SNX29: variants seen among roughly 807,000 people sequenced by gnomAD.
SNX29 encodes sorting nexin-29.
A neutral mutation model predicts 102.1 loss-of-function variants in SNX29; 78 were observed. The ratio of observed to expected loss-of-function variants is 0.76; its 90% confidence interval spans 0.64 to 0.92. The LOEUF is 0.92. SNX29 is among the 40% of genes least tolerant of loss of function. The pLI, the probability that SNX29 is intolerant of heterozygous loss-of-function variation, is 0.00. For synonymous variants in SNX29, 580 were observed against 414.5 expected (o/e 1.40, Z -4.85); for missense variants, 1,280 against 1,061.7 (o/e 1.21, Z -2.86).
At chr16:11,980,090 G>A (rs1258224692) in intron 1 of SNX29, among the ~76,000 whole-genome samples, 1 of 152,096 alleles carries the variant, frequency 6.6e-6, no homozygotes, top group African/African-American at 2.4e-5. Flanking sequence ...TCAGAGCCGT[G>A]TAAACATCAC....
chr16:12,127,569 A>G (rs1051806189), intron 12 of SNX29, among the ~76,000 whole-genome samples: 3 of 151,898 alleles, frequency 2.0e-5, no homozygotes, highest in African/African-American at 7.2e-5. Flanking sequence ...CTACAGGCGC[A>G]TGCCACCATG....
intron 19 of SNX29, chr16:12,515,580 T>C (rs1244135893): frequency 6.1e-6 from 3 of 490,902 alleles, no homozygotes; most frequent in South Asian, 3.1e-5. Flanking sequence ...CATTGCCTCC[T>C]CTGAATCTTC....
chr16:12,332,202 C>T lies in SNX29; in HGVS notation c.1783-23961C>T, dbSNP rs997391342. Among the ~76,000 whole-genome samples the T allele has an allele frequency of 1.6e-4, 25 of 152,180 alleles. 1 individual carries two copies. Among genetic ancestry groups the T allele is most frequent in the Non-Finnish European group, 5.9e-5 (4 of 68,040 alleles). ...TCAGGGAAAATGAACTTTCACCTGA[C>T]TCAGAGCCAGGTGTGCGTGCGGTGT... On this transcript the variant is annotated intron_variant, in intron 15 of 20. Transcript: ENST00000566228.
In SNX29 at chr16:12,461,649, T is replaced by C. The variant is rs188555637; in HGVS notation, c.2038-16070T>C. 3.9e-5 allele frequency among the ~76,000 whole-genome samples: 6 copies of C among 152,074 alleles called. No individual in the cohort carries two copies. In the East Asian group the frequency reaches 1.2e-3, roughly 29 times the overall value. Reference sequence around the variant, plus strand: ...TTCCAAGAGGAGTTTTCCTTTAAATTTTTTATGATAGAAAATATTCAGGCT... The same window carrying C: ...TTCCAAGAGGAGTTTTCCTTTAAATCTTTTATGATAGAAAATATTCAGGCT... On this transcript the variant is annotated intron_variant, in intron 18 of 20. Coordinates refer to ENST00000566228, the MANE Select transcript of SNX29 (RefSeq NM_032167.5).
chr16:11,979,441 G>T (rs1314432701), intron 1 of SNX29, among the ~76,000 whole-genome samples: 1 of 152,270 alleles, frequency 6.6e-6, no homozygotes, highest in African/African-American at 2.4e-5. Context: ...GAAGTCCAAC[G>T]ATATATTTTG....
At chr16:12,380,826 TCCACCCAC>T (rs1209507387) in intron 16 of SNX29, among the ~76,000 whole-genome samples, 1 of 43,398 alleles carries the variant, frequency 2.3e-5, no homozygotes, top group African/African-American at 8.8e-5. Context: ...CCGCCATCCA[TCCACCCAC>T]CCACCCACCC....
At chr16:12,232,532 T>C (rs535026157) in intron 14 of SNX29, among the ~76,000 whole-genome samples, 13 of 152,090 alleles carry the variant, frequency 8.5e-5, no homozygotes, top group Non-Finnish European at 1.6e-4. Flanking sequence ...AACAAACAAA[T>C]AAATGCTTGA....
At chr16:12,163,329 G>T (rs1011653903) in intron 13 of SNX29, among the ~76,000 whole-genome samples, 15 of 152,176 alleles carry the variant, frequency 9.9e-5, no homozygotes, top group Non-Finnish European at 2.2e-4. Context: ...TTTGGCAGGT[G>T]GGTGAGGTGG....
chr16:12,309,472 T>C (rs942102301), intron 15 of SNX29, among the ~76,000 whole-genome samples: 2 of 152,150 alleles, frequency 1.3e-5, no homozygotes, highest in Non-Finnish European at 2.9e-5. Context: ...TCTTGGCCCC[T>C]CTGTCTCATT....
intron 13 of SNX29, among the ~76,000 whole-genome samples, chr16:12,183,624 A>G (rs979259038): frequency 2.6e-5 from 4 of 152,160 alleles, no homozygotes; most frequent in African/African-American, 7.2e-5. Context: ...ACATTACCCC[A>G]TAGGAATGTC....
chr16:12,232,020 T>A (rs1454578332), intron 14 of SNX29, among the ~76,000 whole-genome samples: 1 of 152,184 alleles, frequency 6.6e-6, no homozygotes, highest in East Asian at 1.9e-4. Flanking sequence ...TTTAATGGAT[T>A]CGTAAGTTCT....
intron 3 of SNX29, among the ~76,000 whole-genome samples, chr16:12,019,515 G>A (rs2056952636): frequency 6.6e-6 from 1 of 151,510 alleles, no homozygotes; most frequent in Non-Finnish European, 1.5e-5. Context: ...ACTATGACCA[G>A]TAAATCTTTC....
intron 14 of SNX29, among the ~76,000 whole-genome samples, chr16:12,212,099 G>T (rs901277649): frequency 6.6e-6 from 1 of 152,100 alleles, no homozygotes; most frequent in Non-Finnish European, 1.5e-5. Context: ...CCTCTCCTGG[G>T]CCTCGGTGGT....
intron 20 of SNX29, chr16:12,560,610 A>T (rs1208624572): frequency 6.5e-6 from 1 of 152,868 alleles, no homozygotes; most frequent in African/African-American, 2.4e-5. Context: ...GCAGCAAGCA[A>T]CAGCTGCCTT....
chr16:12,423,421 A>C (rs920219368), intron 18 of SNX29, among the ~76,000 whole-genome samples: 1 of 152,196 alleles, frequency 6.6e-6, no homozygotes, highest in African/African-American at 2.4e-5. Flanking sequence ...GGCATCACTC[A>C]GCTCAGAGCC....
intron 1 of SNX29, among the ~76,000 whole-genome samples, chr16:11,993,049 C>T (rs1021379062): frequency 3.3e-5 from 5 of 151,984 alleles, no homozygotes; most frequent in Admixed American, 1.3e-4. Context: ...CCCGTAATCC[C>T]AGCTACTCAG....
rs1480733962 is a variant in SNX29, at chr16:12,573,989, C to G, written c.*5360C>G. On this transcript the variant is annotated 3_prime_UTR_variant, in exon 21 of 21. Coordinates refer to ENST00000566228, the MANE Select transcript of SNX29 (RefSeq NM_032167.5). ...CCCACTAGGGGGCGCCCATGATCGG[C>G]TCCCAGTGCACCCCCTTAAGGGTAA... 2.0e-5 allele frequency: 4 copies of G among 198,766 alleles called. No homozygotes were observed. The highest frequency in any genetic ancestry group is 1.6e-4 in the East Asian group (2 of 12,888). The allele number at this position is 198,766 out of a possible 1,614,324, so 12.3% of individuals were successfully genotyped here. A position where few individuals can be genotyped will look rare whatever the true frequency, so the allele number is the denominator to read the frequency against.
At chr16:12,278,444 C>G (rs1371861685) in intron 15 of SNX29, among the ~76,000 whole-genome samples, 1 of 151,670 alleles carries the variant, frequency 6.6e-6, no homozygotes, top group Non-Finnish European at 1.5e-5. Flanking sequence ...GCAAACTGGT[C>G]GAAGGGACCC....
chr16:12,514,506 A>G (rs763254259), intron 19 of SNX29, among the ~76,000 whole-genome samples: 3 of 152,056 alleles, frequency 2.0e-5, no homozygotes, highest in Non-Finnish European at 4.4e-5. Flanking sequence ...CCCCCCAACT[A>G]AGGAGTTGTG....
Sources: gnomAD v4.1 joint callset for allele counts (sites outside exome capture counted in the v4.1 genomes callset) on GRCh38, gnomAD v4.1.1 for gene constraint, MANE v1.5 for transcripts, NCBI Gene and HGNC (gene_info 2026-07-23, HGNC 2026-07-21) for gene names.